The following TRMT44 variants were observed in gnomAD, a reference collection of about 807,000 sequenced individuals.
TRMT44 encodes the protein tRNA methyltransferase 44 homolog.
TRMT44 carries 78 observed loss-of-function variants against 77.3 expected under a neutral mutation model. The observed-to-expected ratio is 1.01, with a 90% CI of 0.84 to 1.22. TRMT44 has a LOEUF of 1.22. TRMT44 is among the 50% of genes most tolerant of loss of function. The pLI is 0.00. For missense variants in TRMT44, 1,090 were observed against 964.4 expected (o/e 1.13, Z -1.73); for synonymous variants, 391 against 383.3 (o/e 1.02, Z -0.23).
At chr4:8,449,223 G>A (rs1179096599) in intron 2 of TRMT44, among the ~76,000 whole-genome samples, 2 of 152,194 alleles carry the variant, frequency 1.3e-5, no homozygotes, top group Non-Finnish European at 2.9e-5. Context: ...AAAATAAGCC[G>A]GCAAAATGCA....
At chr4:8,465,679 G>A (rs184128129) in intron 8 of TRMT44, 118 bp downstream of exon 8, 85 of 914,008 alleles carry the variant, frequency 9.3e-5, no homozygotes, top group Admixed American at 3.7e-4. Flanking sequence ...AGAACGTGCC[G>A]GTGCTGATTT....
chr4:8,474,619 A>T (rs1727244653), intron 10 of TRMT44, among the ~76,000 whole-genome samples: 1 of 152,208 alleles, frequency 6.6e-6, no homozygotes, highest in Non-Finnish European at 1.5e-5. Flanking sequence ...TCGAGCTTTA[A>T]TTCCTACACT....
chr4:8,451,309 A>G lies in TRMT44; in HGVS notation c.955-651A>G, dbSNP rs772875090. On this transcript the variant is annotated intron_variant, in intron 3 of 10. Coordinates refer to ENST00000389737, the MANE Select transcript of TRMT44 (RefSeq NM_152544.3). The surrounding 1 kb of genome is among the most constrained non-coding windows in gnomAD (Gnocchi z 4.1). ...AGCTTTTGAAATTGTTTCTAGTGGG[A>G]TGGTTCATCTGTATTGTCTAAGGCG... 2.0e-5 allele frequency among the ~76,000 whole-genome samples: 3 copies of G among 152,106 alleles called. No individual in the cohort carries two copies. The highest frequency in any genetic ancestry group is 4.4e-5 in the Non-Finnish European group (3 of 68,024).
rs756940464 is a variant in TRMT44 at position 8,452,914 on chromosome 4, A to T, written c.1056A>T (p.Arg352Ser). The T allele has an allele frequency of 1.3e-6, 2 of 1,532,770 alleles. No individual in the cohort carries two copies. The highest frequency in any genetic ancestry group is 2.4e-5 in the South Asian group (2 of 83,506). 94.9% of individuals were successfully genotyped at this position (1,532,770 alleles called of 1,614,324 possible). A position where few individuals can be genotyped will look rare whatever the true frequency, so the allele number is the denominator to read the frequency against. The change falls in exon 5 of 11, where the codon AGA (arginine) becomes AGT (serine). Residue 352 changes from arginine (R) to serine (S), a missense_variant. Physicochemically the swap from Arg to Ser is moderately radical, Grantham distance 110. Transcript: ENST00000389737. The surrounding 1 kb of genome is among the most constrained non-coding windows in gnomAD (Gnocchi z 5.7). ...GGGAAGAAGAAAGGGCTGAGAGGAG[A>T]CTAACTGCCAGGCAGTCCTTTGTGG... Reference protein sequence around the residue: ...ILWEEERAERRLTARQSFVDL... With the variant: ...ILWEEERAERSLTARQSFVDL...
At chr4:8,462,715 C>CAA in intron 6 of TRMT44, among the ~76,000 whole-genome samples, 1 of 152,232 alleles carries the variant, frequency 6.6e-6, no homozygotes, top group South Asian at 2.1e-4. Context: ...AAAACAACAA[C>CAA]AACAAAACAA....
intron 2 of TRMT44, among the ~76,000 whole-genome samples, chr4:8,486,388 C>G (rs1157006019): frequency 6.6e-6 from 1 of 152,206 alleles, no homozygotes; most frequent in Non-Finnish European, 1.5e-5. Flanking sequence ...TGCTACTTGG[C>G]TGCCTCTATT....
the TRMT44 span, among the ~76,000 whole-genome samples, chr4:8,502,596 G>A: frequency 1.7e-4 from 26 of 152,304 alleles, no homozygotes; most frequent in Non-Finnish European, 3.5e-4. Context: ...GGCAGTATTC[G>A]ATTCCTTGCT....
At chr4:8,467,802 C>T (rs1726695073) in intron 8 of TRMT44, 112 bp from the exon 9 acceptor site, 7 of 1,204,206 alleles carry the variant, frequency 5.8e-6, no homozygotes, top group Non-Finnish European at 8.1e-6. Flanking sequence ...AGGATTTTTT[C>T]ATGATAGACA....
chr4:8,496,524 G>A (rs62287435), downstream of TRMT44, among the ~76,000 whole-genome samples: 4,700 of 152,264 alleles, frequency 0.031, 91 homozygotes, highest in Non-Finnish European at 0.043. Context: ...TGGGACTGTC[G>A]GTTGCTACAG....
chr4:8,449,099 A>G (rs1166859951), intron 2 of TRMT44, among the ~76,000 whole-genome samples: 6 of 152,184 alleles, frequency 3.9e-5, no homozygotes, highest in South Asian at 2.1e-4. Context: ...GCATCCATGA[A>G]CAGTGCCTGC....
intron 6 of TRMT44, among the ~76,000 whole-genome samples, chr4:8,455,738 A>G (rs1156458848): frequency 1.3e-5 from 2 of 152,246 alleles, no homozygotes; most frequent in Non-Finnish European, 2.9e-5. Flanking sequence ...CATGTTGTTA[A>G]TGGCTGTACA....
In TRMT44 at chr4:8,465,523, G is replaced by GTGGACGAAGACTGCCTCAGGAT; in HGVS notation, c.1458_1479dup (p.Pro494GlyfsTer32). ...AGTGGGCTTCACCTGTGGGTTTCAC[G>GTGGACGAAGACTGCCTCAGGAT]TGGACGAAGACTGCCTCAGGATTCC... On this transcript the variant is annotated frameshift_variant, in exon 8 of 11. Transcript: ENST00000389737. LOFTEE classifies it high-confidence loss of function. 1 of 1,613,954 alleles carries GTGGACGAAGACTGCCTCAGGAT rather than the reference G, an allele frequency of 6.2e-7. No homozygotes were observed. Among genetic ancestry groups the GTGGACGAAGACTGCCTCAGGAT allele is most frequent in the Non-Finnish European group, 8.5e-7 (1 of 1,179,958 alleles).
rs916643303 is a variant in TRMT44 at position 8,461,793 on chromosome 4, G to A, written c.1204-2192G>A. On this transcript the variant is annotated intron_variant, in intron 6 of 10. Coordinates refer to ENST00000389737, the MANE Select transcript of TRMT44 (RefSeq NM_152544.3). The surrounding 1 kb of genome is among the most constrained non-coding windows in gnomAD (Gnocchi z 4.6). Reference sequence around the variant, plus strand: ...GAGTTCTGTCATGCTTTCTGCCTTGGAGGAGCATGGCCAGAATGAGGGTGG... The same window carrying A: ...GAGTTCTGTCATGCTTTCTGCCTTGAAGGAGCATGGCCAGAATGAGGGTGG... Among the ~76,000 whole-genome samples, 1 of 152,134 alleles carries A rather than the reference G, an allele frequency of 6.6e-6. No homozygotes were observed. Among genetic ancestry groups the A allele is most frequent in the Admixed American group, 6.5e-5 (1 of 15,278 alleles).
At chr4:8,480,341 A>G (rs943703022), downstream of TRMT44, among the ~76,000 whole-genome samples, 1 of 152,140 alleles carries the variant, frequency 6.6e-6, no homozygotes, top group Non-Finnish European at 1.5e-5. Context: ...GGGGTCTTAT[A>G]TATTGGCGTA....
chr4:8,447,425 C>T (rs531482416), intron 2 of TRMT44, among the ~76,000 whole-genome samples: 1 of 152,312 alleles, frequency 6.6e-6, no homozygotes. Context: ...CACATCCAAG[C>T]TGTACTTTCC....
Position 8,440,939 on chromosome 4 carries a change from C to T in TRMT44, c.117C>T (p.Cys39=), listed in dbSNP as rs955495737. 19 of 1,529,482 alleles carry T rather than the reference C, an allele frequency of 1.2e-5. No individual in the cohort carries two copies. The Admixed American group carries it at 1.6e-4, about 13-fold the overall frequency. 94.7% of individuals were successfully genotyped at this position (1,529,482 alleles called of 1,614,324 possible). Residue 39 remains cysteine (C), a synonymous_variant, in exon 1 of 11, where the codon TGC becomes TGT. Transcript: ENST00000389737. The part of the protein sequence containing the change: ...ERPQVANKRL[C]GARLEARWSA... The stretch of plus-strand genomic sequence containing the variant: ...CGCAGGTGGCAAACAAACGGCTTTG[C>T]GGCGCCCGCCTGGAGGCCCGCTGGA...
chr4:8,480,105 G>A (rs1464463519), downstream of TRMT44, among the ~76,000 whole-genome samples: 1 of 152,142 alleles, frequency 6.6e-6, no homozygotes, highest in Non-Finnish European at 1.5e-5. Context: ...GAATATTTGA[G>A]TTGTCAGTGG....
At chr4:8,468,492 T>C in intron 9 of TRMT44, 146 bp downstream of exon 9, 1 of 745,150 alleles carries the variant, frequency 1.3e-6, no homozygotes, top group South Asian at 1.8e-5. Context: ...ATAGGCTCTC[T>C]TCAAGCAAAT....
intron 2 of TRMT44, among the ~76,000 whole-genome samples, chr4:8,485,931 C>T (rs536271036): frequency 6.6e-6 from 1 of 152,078 alleles, no homozygotes; most frequent in Non-Finnish European, 1.5e-5. Flanking sequence ...GTGGGTAGCC[C>T]CCGTATCGAT....
Sources: gnomAD v4.1 joint callset for allele counts (sites outside exome capture counted in the v4.1 genomes callset) on GRCh38, gnomAD v4.1.1 for gene constraint, Gnocchi (gnomAD v3.1) non-coding constraint, MANE v1.5 for transcripts, NCBI Gene and HGNC (gene_info 2026-07-23, HGNC 2026-07-21) for gene names.